The following GRIN2A variants were observed in gnomAD, a reference collection of about 807,000 sequenced individuals.
GRIN2A encodes glutamate receptor ionotropic, NMDA 2A.
In GRIN2A, 22 loss-of-function variants were observed where a neutral mutation model predicts 113.4. The observed-to-expected ratio is 0.19, with a 90% CI of 0.14 to 0.28. The LOEUF (loss-of-function observed/expected upper bound fraction) is 0.28, where lower values mean the gene tolerates loss of function less well. GRIN2A is among the 10% of genes least tolerant of loss of function. GRIN2A has a pLI of 1.00. For synonymous variants in GRIN2A, 827 were observed against 738.4 expected, an observed-to-expected ratio of 1.12 and a Z score of -1.94; for missense variants, 1,502 against 1,887.0, an observed-to-expected ratio of 0.80 and a Z score of 3.78.
At chr16:9,778,523 T>A (rs908887524) in intron 11 of GRIN2A, among the ~76,000 whole-genome samples, 4 of 152,142 alleles carry the variant, frequency 2.6e-5, no homozygotes, top group Admixed American at 2.6e-4. Flanking sequence ...TTTAAACACA[T>A]ACAGATTTAA....
intron 3 of GRIN2A, among the ~76,000 whole-genome samples, chr16:9,921,199 A>G (rs1285925034): frequency 6.6e-6 from 1 of 152,226 alleles, no homozygotes. Context: ...AATAATTAGT[A>G]TTGATGACAA....
chr16:9,936,630 C>T (rs1377634843), intron 3 of GRIN2A, among the ~76,000 whole-genome samples: 1 of 152,100 alleles, frequency 6.6e-6, no homozygotes, highest in African/African-American at 2.4e-5. Context: ...TCTCAGAAAC[C>T]TAAAATTTAA....
intron 7 of GRIN2A, among the ~76,000 whole-genome samples, chr16:9,837,628 T>A (rs190643453): frequency 9.8e-4 from 149 of 152,190 alleles, no homozygotes; most frequent in African/African-American, 3.3e-3. Context: ...TTTCTTAACC[T>A]CCAGGACAAA....
chr16:9,810,848 C>G (rs1474573703), intron 10 of GRIN2A, among the ~76,000 whole-genome samples: 1 of 152,210 alleles, frequency 6.6e-6, no homozygotes, highest in Non-Finnish European at 1.5e-5. Flanking sequence ...GTTCCTATCA[C>G]TCCTCCACCT....
At chr16:9,971,494 G>T (rs1457611854) in intron 2 of GRIN2A, among the ~76,000 whole-genome samples, 1 of 152,186 alleles carries the variant, frequency 6.6e-6, no homozygotes, top group Non-Finnish European at 1.5e-5. Flanking sequence ...AAACCACCTA[G>T]TAGAGCCCAG....
intron 2 of GRIN2A, among the ~76,000 whole-genome samples, chr16:10,024,389 A>C (rs938317440): frequency 1.3e-5 from 2 of 152,072 alleles, no homozygotes; most frequent in African/African-American, 4.8e-5. Context: ...CACCCAGCTA[A>C]TTTTATTTTT....
At chr16:10,039,727 C>A (rs1397036282) in intron 2 of GRIN2A, among the ~76,000 whole-genome samples, 2 of 147,370 alleles carry the variant, frequency 1.4e-5, no homozygotes, top group African/African-American at 5.1e-5. Context: ...AAGCCCCCTC[C>A]CTCCCTCAGC....
chr16:10,086,407 A>G (rs61181368), intron 2 of GRIN2A, among the ~76,000 whole-genome samples: 6,698 of 152,150 alleles, frequency 0.044, 491 homozygotes, highest in African/African-American at 0.15. Flanking sequence ...CCCTGAGGAG[A>G]GATTGTGCAT....
At chr16:9,810,065 C>T (rs528002525) in intron 10 of GRIN2A, among the ~76,000 whole-genome samples, 1 of 152,222 alleles carries the variant, frequency 6.6e-6, no homozygotes, top group Non-Finnish European at 1.5e-5. Context: ...CAGACTCTGT[C>T]TCAAAAAGAA....
chr16:10,001,730 G>T (rs913029926), intron 2 of GRIN2A, among the ~76,000 whole-genome samples: 16 of 152,200 alleles, frequency 1.1e-4, no homozygotes, highest in African/African-American at 3.9e-4. Context: ...TTAAGCCTGA[G>T]TCACATGGCC....
intron 2 of GRIN2A, among the ~76,000 whole-genome samples, chr16:9,978,313 A>G (rs3848325): frequency 0.37 from 55,847 of 151,966 alleles, 10,470 homozygotes; most frequent in Middle Eastern, 0.38. Context: ...GCCTCTTCCT[A>G]TCTGTGTGAA....
chr16:9,988,269 GT>G, intron 2 of GRIN2A, among the ~76,000 whole-genome samples: 1 of 43,120 alleles, frequency 2.3e-5, no homozygotes, highest in Non-Finnish European at 6.4e-5. Flanking sequence ...ATCCATAGGG[GT>G]GTGTGTGTGT....
chr16:10,143,885 G>C (rs1173808858), intron 2 of GRIN2A, among the ~76,000 whole-genome samples: 1 of 152,136 alleles, frequency 6.6e-6, no homozygotes, highest in Non-Finnish European at 1.5e-5. Context: ...AGGATTGCTT[G>C]AGCTCAGGAG....
intron 7 of GRIN2A, among the ~76,000 whole-genome samples, chr16:9,834,655 T>C (rs917161272): frequency 2.4e-4 from 37 of 152,240 alleles, no homozygotes; most frequent in African/African-American, 8.9e-4. Flanking sequence ...GTGCTGGGAT[T>C]ACAGGCGTGA....
At chr16:10,105,266 G>C (rs1168630357) in intron 2 of GRIN2A, among the ~76,000 whole-genome samples, 2 of 152,168 alleles carry the variant, frequency 1.3e-5, no homozygotes, top group African/African-American at 4.8e-5. Flanking sequence ...CCCCCAAAGA[G>C]GAAAATCCTT....
chr16:9,889,383 C>T (rs1489046255), intron 4 of GRIN2A, among the ~76,000 whole-genome samples: 1 of 151,994 alleles, frequency 6.6e-6, no homozygotes, highest in Non-Finnish European at 1.5e-5. Flanking sequence ...TTGCTAGCGA[C>T]TGTGAATTTT....
chr16:9,765,292 G>A (rs1173701402), intron 12 of GRIN2A, among the ~76,000 whole-genome samples: 3 of 152,230 alleles, frequency 2.0e-5, no homozygotes, highest in Admixed American at 1.3e-4. Flanking sequence ...CCCAGCACCC[G>A]GGTCACCAAT....
intron 2 of GRIN2A, among the ~76,000 whole-genome samples, chr16:10,024,153 C>T (rs912377695): frequency 1.3e-5 from 2 of 152,206 alleles, no homozygotes; most frequent in African/African-American, 2.4e-5. Context: ...CAGCTATCTA[C>T]CAGTTCATTT....
At chr16:10,154,457 C>G (rs75115663) in intron 2 of GRIN2A, among the ~76,000 whole-genome samples, 1 of 152,066 alleles carries the variant, frequency 6.6e-6, no homozygotes, top group Non-Finnish European at 1.5e-5. Context: ...ATATATTTAC[C>G]GTGTTTATAT....
Sources: allele counts gnomAD v4.1 joint callset (sites outside exome capture counted in the v4.1 genomes callset), GRCh38; gene constraint gnomAD v4.1.1; transcripts MANE v1.5; gene names NCBI Gene and HGNC (gene_info 2026-07-23, HGNC 2026-07-21).